NTM: variants seen among roughly 807,000 people sequenced by gnomAD.
NTM encodes neurotrimin.
NTM carries 13 observed loss-of-function variants against 42.1 expected under a neutral mutation model. The ratio of observed to expected loss-of-function variants is 0.31; its 90% CI spans 0.20 to 0.49. The LOEUF is 0.49. Ranked by LOEUF, NTM falls within the 20% of genes least tolerant of loss-of-function variation. NTM has a pLI of 0.99. For synonymous variants in NTM, 187 were observed against 179.2 expected (o/e 1.04, Z -0.35); for missense variants, 373 against 452.8 (o/e 0.82, Z 1.60).
intron 2 of NTM, chr11:131,981,153 A>G (rs2065168485): frequency 6.6e-6 from 1 of 152,224 alleles, no homozygotes; most frequent in Admixed American, 6.5e-5. Flanking sequence ...CAGCCTGAAG[A>G]GTCAACGTGG....
intron 1 of NTM, among the ~76,000 whole-genome samples, chr11:131,503,891 A>G (rs1486431949): frequency 6.6e-6 from 1 of 152,166 alleles, no homozygotes; most frequent in East Asian, 1.9e-4. Flanking sequence ...TTAGAGGTGA[A>G]GTTAACTGGG....
chr11:131,784,591 C>G (rs2088795018), intron 1 of NTM, among the ~76,000 whole-genome samples: 3 of 152,096 alleles, frequency 2.0e-5, no homozygotes, highest in African/African-American at 7.2e-5. Context: ...TTCCTGGGGT[C>G]CGGGCTTGGG....
At chr11:131,556,012 A>C (rs1056710508) in intron 1 of NTM, among the ~76,000 whole-genome samples, 1 of 152,188 alleles carries the variant, frequency 6.6e-6, no homozygotes, top group African/African-American at 2.4e-5. Flanking sequence ...GAGTCAATGG[A>C]AAGTTTCTTG....
At chr11:132,263,534 A>G (rs2139576612) in intron 4 of NTM, among the ~76,000 whole-genome samples, 1 of 152,244 alleles carries the variant, frequency 6.6e-6, no homozygotes, top group African/African-American at 2.4e-5. Flanking sequence ...TTTTCCAAAC[A>G]TGCTTTTACA....
chr11:131,788,639 A>G (rs574492165), intron 1 of NTM, among the ~76,000 whole-genome samples: 2 of 152,276 alleles, frequency 1.3e-5, no homozygotes, highest in African/African-American at 2.4e-5. Context: ...ACCCATCAAA[A>G]TGCCCGATTT....
intron 1 of NTM, among the ~76,000 whole-genome samples, chr11:131,752,291 C>T (rs1308343911): frequency 1.3e-5 from 2 of 152,192 alleles, no homozygotes; most frequent in African/African-American, 2.4e-5. Context: ...TGAAAAAATG[C>T]TCATCATCAC....
chr11:131,746,455 C>T (rs1477334886), intron 1 of NTM, among the ~76,000 whole-genome samples: 2 of 152,116 alleles, frequency 1.3e-5, no homozygotes, highest in Non-Finnish European at 2.9e-5. Context: ...AAGCAGGAAG[C>T]GGCAAAGAGA....
chr11:131,871,246 G>A (rs1030565156), intron 1 of NTM, among the ~76,000 whole-genome samples: 1 of 152,196 alleles, frequency 6.6e-6, no homozygotes, highest in Non-Finnish European at 1.5e-5. Context: ...GCTCAGTGGT[G>A]CTCAGTCGCC....
At chr11:131,449,449 A>T (rs1950315875) in intron 1 of NTM, among the ~76,000 whole-genome samples, 1 of 152,178 alleles carries the variant, frequency 6.6e-6, no homozygotes, top group Non-Finnish European at 1.5e-5. Flanking sequence ...TGAGGAAGGG[A>T]CTTGCCCAGG....
chr11:131,500,575 ATATTTTTTTTT>A (rs1222157579), intron 1 of NTM, among the ~76,000 whole-genome samples: 263 of 18,036 alleles, frequency 0.015, 6 homozygotes, highest in African/African-American at 0.066. Context: ...ATATATATAT[ATATTTTTTTTT>A]TTTTTTTTTG....
At chr11:131,768,971 C>T in intron 1 of NTM, among the ~76,000 whole-genome samples, 1 of 152,130 alleles carries the variant, frequency 6.6e-6, no homozygotes, top group East Asian at 1.9e-4. Flanking sequence ...GATTTAAGTG[C>T]TATTGATATT....
At chr11:131,714,987 A>AT (rs1275074152) in intron 1 of NTM, among the ~76,000 whole-genome samples, 1 of 152,266 alleles carries the variant, frequency 6.6e-6, no homozygotes, top group African/African-American at 2.4e-5. Flanking sequence ...CACTTGCTTA[A>AT]TTAATGCTTC....
At chr11:131,719,148 T>G (rs953232456) in intron 1 of NTM, among the ~76,000 whole-genome samples, 2 of 152,118 alleles carry the variant, frequency 1.3e-5, no homozygotes, top group Non-Finnish European at 2.9e-5. Flanking sequence ...GGACTCCAGC[T>G]ATCTGCCCGT....
chr11:131,641,821 G>C (rs2065175360), intron 1 of NTM, among the ~76,000 whole-genome samples: 1 of 151,510 alleles, frequency 6.6e-6, no homozygotes, highest in Admixed American at 6.6e-5. Context: ...CCAACTCCCG[G>C]GTTCAAGTGA....
At chr11:131,662,867 C>A (rs1457006580) in intron 1 of NTM, among the ~76,000 whole-genome samples, 3 of 151,914 alleles carry the variant, frequency 2.0e-5, no homozygotes, top group African/African-American at 7.3e-5. Flanking sequence ...GAAGGCAGTC[C>A]CTCAGAATTT....
At chr11:131,389,024 A>AAAGAAAAGAAAAG (rs1555097641) in intron 1 of NTM, among the ~76,000 whole-genome samples, 1 of 89,906 alleles carries the variant, frequency 1.1e-5, no homozygotes, top group Non-Finnish European at 2.1e-5. Context: ...AAAAAAAAAA[A>AAAGAAAAGAAAAG]AAAAGAAAAG....
chr11:132,002,580 A>G lies in NTM; in HGVS notation c.167+90932A>G, dbSNP rs1041268264. On this transcript the variant is annotated intron_variant, in intron 2 of 8. Transcript: ENST00000683400. The surrounding 1 kb of genome is among the most constrained non-coding windows in gnomAD (Gnocchi z 4.5). ...TCCCCCAAATTGGAGGCTTCTGGCC[A>G]TTGCTTGAATAACTTTCTGCCTCTA... is the stretch of plus-strand genomic sequence containing the variant. Among the ~76,000 whole-genome samples the G allele has an allele frequency of 6.6e-6, 1 of 152,210 alleles. No individual in the cohort carries two copies. The highest frequency in any genetic ancestry group is 2.4e-5 in the African/African-American group (1 of 41,460).
intron 1 of NTM, among the ~76,000 whole-genome samples, chr11:131,583,384 T>G (rs2058586147): frequency 6.6e-6 from 1 of 152,120 alleles, no homozygotes; most frequent in African/African-American, 2.4e-5. Context: ...ATATTAAATC[T>G]GTCTAAGATA....
intron 1 of NTM, among the ~76,000 whole-genome samples, chr11:131,723,012 G>A (rs1343036149): frequency 6.6e-6 from 1 of 152,180 alleles, no homozygotes; most frequent in African/African-American, 2.4e-5. Flanking sequence ...AGATGAGTTA[G>A]TACTCTGCAC....
Sources: allele counts gnomAD v4.1 joint callset (sites outside exome capture counted in the v4.1 genomes callset), GRCh38; gene constraint gnomAD v4.1.1; non-coding constraint Gnocchi (gnomAD v3.1); transcripts MANE v1.5; gene names NCBI Gene and HGNC (gene_info 2026-07-23, HGNC 2026-07-21).